The following TNC variants were observed in gnomAD, a reference collection of about 807,000 sequenced individuals.
TNC encodes tenascin C, also known as tenascin.
TNC carries 109 observed loss-of-function variants against 202.4 expected under a neutral mutation model. The observed-to-expected ratio is 0.54, with a 90% CI of 0.46 to 0.63. TNC has a LOEUF of 0.63. Among genes scored for constraint, TNC ranks in the 30% least tolerant of loss-of-function variants. TNC has a pLI of 0.00. For missense variants in TNC, 2,756 were observed against 2,833.3 expected, an observed-to-expected ratio of 0.97 and a Z score of 0.62; for synonymous variants, 1,007 against 1,089.7, an observed-to-expected ratio of 0.92 and a Z score of 1.50.
At chr9:115,113,519 G>A (rs572172216) in intron 1 of TNC, among the ~76,000 whole-genome samples, 3 of 152,270 alleles carry the variant, frequency 2.0e-5, no homozygotes, top group East Asian at 1.9e-4. Context: ...CATTCTTGTC[G>A]AAGTTAGCAG....
At chr9:115,036,011 A>T in intron 21 of TNC, 87 bp downstream of exon 21, 1 of 1,519,410 alleles carries the variant, frequency 6.6e-7, no homozygotes, top group Non-Finnish European at 9.0e-7. Flanking sequence ...TTAAGAAAGA[A>T]GAACTGGCTA....
chr9:115,063,076 C>A lies in TNC; in HGVS notation c.3874G>T (p.Glu1292Ter). 6.2e-7 allele frequency: 1 copy of A among 1,614,168 alleles called. No individual in the cohort carries two copies. Among genetic ancestry groups the A allele is most frequent in the South Asian group, 1.1e-5 (1 of 91,078 alleles). ...TYDQFTIQVQ[E>*]ADQVEEAHNL... is the part of the protein sequence containing the mutation. Reference sequence around the variant, plus strand: ...TGAGCCTCTTCCACCTGGTCAGCCTCCTGGACCTGAATAGTAAACTGGTCA... The same window carrying A: ...TGAGCCTCTTCCACCTGGTCAGCCTACTGGACCTGAATAGTAAACTGGTCA... The change falls in exon 13 of 28, where the codon GAG becomes TAG. Residue 1292 changes from glutamate (E) to a stop codon, truncating the protein, a stop_gained. Transcript: ENST00000350763. LOFTEE classifies it high-confidence loss of function.
Position 115,070,491 on chromosome 9 carries a change from G to A in TNC, c.3214+3112C>T, listed in dbSNP as rs10982512. Among the ~76,000 whole-genome samples, 6 of 152,344 alleles carry A rather than the reference G, an allele frequency of 3.9e-5. No individual in the cohort carries two copies. The East Asian group carries it at 9.7e-4, about 25-fold the overall frequency. ...TGGGCTGGCCGTGCCAGATTCTGTA[G>A]GGCCCTGTAACCCATGGCTGGGTCT... On this transcript the variant is annotated intron_variant, in intron 10 of 27. Transcript: ENST00000350763.
chr9:115,102,169 C>G (rs530487832), intron 1 of TNC, among the ~76,000 whole-genome samples: 5 of 152,120 alleles, frequency 3.3e-5, no homozygotes, highest in African/African-American at 1.2e-4. Context: ...AGGATTTGAA[C>G]CAAATCCCAT....
chr9:115,033,248 G>A (rs182782607), intron 22 of TNC, among the ~76,000 whole-genome samples: 224 of 152,228 alleles, frequency 1.5e-3, no homozygotes, highest in Non-Finnish European at 2.6e-3. Context: ...TGTAAAGCTG[G>A]TGAATGGACA....
chr9:115,039,583 C>A (rs781431132), intron 19 of TNC, among the ~76,000 whole-genome samples: 9 of 152,196 alleles, frequency 5.9e-5, no homozygotes, highest in Non-Finnish European at 8.8e-5. Context: ...ACTTACTACT[C>A]AATTGTGCCC....
chr9:115,055,584 G>C (rs1455767503), intron 15 of TNC: 2 of 152,476 alleles, frequency 1.3e-5, no homozygotes, highest in African/African-American at 4.8e-5. Flanking sequence ...ACAGAGCTGC[G>C]AGACACCCCA....
intron 14 of TNC, among the ~76,000 whole-genome samples, chr9:115,058,823 C>T (rs936867353): frequency 6.6e-6 from 1 of 152,168 alleles, no homozygotes; most frequent in African/African-American, 2.4e-5. Flanking sequence ...AGATGAGCAA[C>T]GGAAAACTGT....
In TNC at chr9:115,086,464, A is replaced by G. The variant is rs1190963771; in HGVS notation, c.1267T>C (p.Cys423Arg). 2 of 1,613,734 alleles carry G rather than the reference A, an allele frequency of 1.2e-6. No individual in the cohort carries two copies. The highest frequency in any genetic ancestry group is 1.7e-6 in the Non-Finnish European group (2 of 1,180,006). The change falls in exon 3 of 28, where the codon TGT becomes CGT. Residue 423 changes from cysteine (C) to arginine (R), a missense_variant. Cys to Arg is a radical substitution (Grantham distance 180). Coordinates refer to ENST00000350763, the MANE Select transcript of TNC (RefSeq NM_002160.4). ...SGHGRCVNGQCVCDEGYTGED... is the reference protein window; with the variant it reads ...SGHGRCVNGQRVCDEGYTGED... ...CCAGTATAGCCCTCATCACACACAC[A>G]CTGCCCATTGACACAGCGGCCATGG...
At chr9:115,097,585 A>T (rs1835893206) in intron 1 of TNC, among the ~76,000 whole-genome samples, 1 of 152,228 alleles carries the variant, frequency 6.6e-6, no homozygotes, top group African/African-American at 2.4e-5. Context: ...CAAGATTCTG[A>T]AAAATGGTTG....
Position 115,063,817 on chromosome 9 carries a change from G to T in TNC, c.3739C>A (p.Leu1247Ile), listed in dbSNP as rs113301777. 27,484 of 1,613,284 alleles carry T rather than the reference G, an allele frequency of 0.017. 323 individuals carry two copies. The highest frequency in any genetic ancestry group is 0.019 in the Non-Finnish European group (22,501 of 1,179,302). The change falls in exon 12 of 28, where the codon CTC becomes ATC. Residue 1247 changes from leucine to isoleucine, a missense_variant. By Grantham distance (5) the Leu-to-Ile change is conservative. This residue lies in a region of TNC where 2,559 missense variants were observed against 2,546.0 expected (regional missense o/e 1.01). Coordinates refer to ENST00000350763, the MANE Select transcript of TNC (RefSeq NM_002160.4). ...GVTQDFSTTP[L>I]SVEVLTEEVP... The stretch of plus-strand genomic sequence containing the variant: ...ATACCTGTCAAGACTTCAACAGAGA[G>T]AGGGGTTGTGCTGAAGTCCTGAGTG...
At position 115,073,620 on chromosome 9, in the gene TNC, C is replaced by G; in HGVS notation, c.3197G>C (p.Arg1066Pro). 3 of 1,613,640 alleles carry G rather than the reference C, an allele frequency of 1.9e-6. No individual in the cohort carries two copies. Among genetic ancestry groups the G allele is most frequent in the Non-Finnish European group, 2.5e-6 (3 of 1,179,744 alleles). The change falls in exon 10 of 28, where the codon CGT becomes CCT. Residue 1066 changes from arginine to proline, a missense_variant. Physicochemically the swap from Arg to Pro is moderately radical, Grantham distance 103. This residue lies in a region of TNC where 2,559 missense variants were observed against 2,546.0 expected (regional missense o/e 1.01). Transcript: ENST00000350763. ...EKGRHKSKPA[R>P]VKASTEQAPE... ...AGACTCACCAGTGGATGCCTTCACACGTGCGGGCTTGCTCTTGTGTCTGCC... is the reference window on the plus strand; with the variant it reads ...AGACTCACCAGTGGATGCCTTCACAGGTGCGGGCTTGCTCTTGTGTCTGCC...
At chr9:115,061,494 A>G (rs1832542938) in intron 13 of TNC, among the ~76,000 whole-genome samples, 2 of 152,364 alleles carry the variant, frequency 1.3e-5, no homozygotes, top group South Asian at 4.1e-4. Flanking sequence ...TCTTGCACAC[A>G]GACCACACCT....
chr9:115,054,426 G>A (rs1831940165), intron 15 of TNC, among the ~76,000 whole-genome samples: 1 of 152,172 alleles, frequency 6.6e-6, no homozygotes, highest in African/African-American at 2.4e-5. Flanking sequence ...AGATTAAAAT[G>A]TTCCAAGTGG....
At position 115,019,736 on chromosome 9, in the gene TNC, C is replaced by T. The variant is rs1195842386; in HGVS notation, c.*1421G>A. Reference sequence around the variant, plus strand: ...CATTCTAAGGGCCTCAAATGGATAACATAATTTATTCTTCACAAAAATGTT... The same window carrying T: ...CATTCTAAGGGCCTCAAATGGATAATATAATTTATTCTTCACAAAAATGTT... On this transcript the variant is annotated 3_prime_UTR_variant, in exon 28 of 28. Coordinates refer to ENST00000350763, the MANE Select transcript of TNC (RefSeq NM_002160.4). The T allele has an allele frequency of 6.6e-6, 1 of 152,146 alleles. No homozygotes were observed. Among genetic ancestry groups the T allele is most frequent in the South Asian group, 2.1e-4 (1 of 4,824 alleles). The allele number at this position is 152,146 out of a possible 1,614,324, so 9.4% of individuals were successfully genotyped here. A position where few individuals can be genotyped will look rare whatever the true frequency, so the allele number is the denominator to read the frequency against.
At chr9:115,079,317 A>G (rs1834123698) in intron 6 of TNC, among the ~76,000 whole-genome samples, 1 of 152,158 alleles carries the variant, frequency 6.6e-6, no homozygotes, top group Non-Finnish European at 1.5e-5. Flanking sequence ...ATGAAAAGGA[A>G]CAATAATTTA....
intron 2 of TNC, among the ~76,000 whole-genome samples, chr9:115,088,500 A>T (rs919330812): frequency 1.3e-5 from 2 of 152,136 alleles, no homozygotes; most frequent in African/African-American, 4.8e-5. Flanking sequence ...ACATTACTCG[A>T]GCCCCTTGAG....
At chr9:115,067,872 T>C (rs1350192501) in intron 10 of TNC, among the ~76,000 whole-genome samples, 1 of 152,012 alleles carries the variant, frequency 6.6e-6, no homozygotes, top group African/African-American at 2.4e-5. Context: ...GAAAGAGCAT[T>C]GGTTTATAAC....
chr9:115,048,852 A>C (rs542393367), intron 15 of TNC, among the ~76,000 whole-genome samples: 1 of 152,292 alleles, frequency 6.6e-6, no homozygotes, highest in East Asian at 1.9e-4. Context: ...TTTGACTCCA[A>C]AGGCCATGTA....
Sources: allele counts gnomAD v4.1 joint callset (sites outside exome capture counted in the v4.1 genomes callset), GRCh38; gene constraint gnomAD v4.1.1; regional missense constraint gnomAD v4.1.1; transcripts MANE v1.5; gene names NCBI Gene and HGNC (gene_info 2026-07-23, HGNC 2026-07-21).